PTPN13: variants seen among roughly 807,000 people sequenced by gnomAD.
The protein encoded by PTPN13 is protein tyrosine phosphatase non-receptor type 13.
In PTPN13, 191 loss-of-function variants were observed where a neutral mutation model predicts 284.0. The observed-to-expected ratio is 0.67, with a 90% CI of 0.60 to 0.76. PTPN13 has a LOEUF of 0.76. PTPN13 is among the 30% of genes least tolerant of loss of function. The pLI is 0.00. For synonymous variants in PTPN13, 986 were observed against 1,022.3 expected (o/e 0.96, Z 0.68); for missense variants, 2,797 against 2,939.9 (o/e 0.95, Z 1.12).
intron 3 of PTPN13, among the ~76,000 whole-genome samples, chr4:86,686,279 CG>C (rs1554309069): frequency 1.3e-5 from 2 of 151,666 alleles, no homozygotes; most frequent in Non-Finnish European, 2.9e-5. Flanking sequence ...GGAGAATTGC[CG>C]GGGGATGGAG....
At chr4:86,695,881 A>G (rs1730542120) in intron 6 of PTPN13, among the ~76,000 whole-genome samples, 1 of 152,048 alleles carries the variant, frequency 6.6e-6, no homozygotes, top group Non-Finnish European at 1.5e-5. Context: ...TTTTTCTAAG[A>G]ATAAAAAATA....
chr4:86,665,244 G>A (rs536477667), intron 2 of PTPN13, among the ~76,000 whole-genome samples: 1 of 152,188 alleles, frequency 6.6e-6, no homozygotes, highest in African/African-American at 2.4e-5. Flanking sequence ...AAATGTGTGT[G>A]TTTGTGTGGC....
At chr4:86,595,660 C>A in intron 1 of PTPN13, 1 of 679,098 alleles carries the variant, frequency 1.5e-6, no homozygotes, top group Non-Finnish European at 1.8e-6. Flanking sequence ...AAACAACAAA[C>A]GCGGTGACTT....
Position 86,803,820 on chromosome 4 carries a change from G to C in PTPN13, c.6617G>C (p.Gly2206Ala), listed in dbSNP as rs1744344868. 1.2e-6 allele frequency: 2 copies of C among 1,613,816 alleles called. No homozygotes were observed. The highest frequency in any genetic ancestry group is 1.7e-6 in the Non-Finnish European group (2 of 1,179,794). The change falls in exon 43 of 48, where the codon GGT becomes GCT. Residue 2206 changes from glycine to alanine, a missense_variant. Transcript: ENST00000411767. ...AAATCAGTCATTCGAGTCCTGCGGG[G>C]TTTGCTAGATCAAGGAATTCCTTCT... ...NLKSVIRVLRGLLDQGIPSKE... is the reference protein window; with the variant it reads ...NLKSVIRVLRALLDQGIPSKE...
At chr4:86,755,423 C>T (rs886736691) in intron 20 of PTPN13, among the ~76,000 whole-genome samples, 11 of 150,680 alleles carry the variant, frequency 7.3e-5, no homozygotes, top group Non-Finnish European at 1.3e-4. Flanking sequence ...AAAAACTTTT[C>T]CAAGAATTAT....
At chr4:86,699,381 A>G (rs1267614900) in intron 6 of PTPN13, among the ~76,000 whole-genome samples, 6 of 151,714 alleles carry the variant, frequency 4.0e-5, no homozygotes, top group Non-Finnish European at 1.5e-5. Flanking sequence ...GCGAGACTCT[A>G]TCCCCCCTCC....
At chr4:86,764,520 G>A in intron 24 of PTPN13, 73 bp from the exon 25 acceptor site, 4 of 1,176,860 alleles carry the variant, frequency 3.4e-6, no homozygotes, top group Non-Finnish European at 4.5e-6. Context: ...TAAAAAAAAA[G>A]AAATTAAAAA....
intron 1 of PTPN13, among the ~76,000 whole-genome samples, chr4:86,603,998 G>A (rs1275955335): frequency 6.6e-6 from 1 of 151,934 alleles, no homozygotes; most frequent in Non-Finnish European, 1.5e-5. Flanking sequence ...ACTAAATTGA[G>A]TTATTGTTAA....
chr4:86,633,291 A>T (rs1330549197), intron 1 of PTPN13, among the ~76,000 whole-genome samples: 2 of 151,940 alleles, frequency 1.3e-5, no homozygotes, highest in East Asian at 3.9e-4. Context: ...CTGGCTTCTG[A>T]TACAGTATGT....
rs925975263 is a variant in PTPN13 at position 86,728,320 on chromosome 4, G to A, written c.1609-4080G>A. On this transcript the variant is annotated intron_variant, in intron 10 of 47. Coordinates refer to ENST00000411767, the MANE Select transcript of PTPN13 (RefSeq NM_080683.3). ...ATTTGGGGTGGTGAGTTCTGGATAT[G>A]TCTATTAGGTCCACTTGTTGCAGAG... 5.4e-5 allele frequency among the ~76,000 whole-genome samples: 8 copies of A among 149,410 alleles called. 1 individual carries two copies. Among genetic ancestry groups the A allele is most frequent in the Admixed American group, 2.0e-4 (3 of 14,868 alleles).
Position 86,717,088 on chromosome 4 carries a change from C to A in PTPN13, c.1356C>A (p.Thr452=). Reference sequence around the variant, plus strand: ...GTGGTCTCCCAGGGGTAGATGAAACCTTAAGTCAAGGCCAGTCACAGAGAC... The same window carrying A: ...GTGGTCTCCCAGGGGTAGATGAAACATTAAGTCAAGGCCAGTCACAGAGAC... ...SSSGLPGVDE[T]LSQGQSQRPS... is the part of the protein sequence containing the mutation. The change falls in exon 9 of 48, where the codon ACC becomes ACA. Residue 452 remains threonine (T), a synonymous_variant. Transcript: ENST00000411767. 6.2e-7 allele frequency: 1 copy of A among 1,612,600 alleles called. No homozygotes were observed. Among genetic ancestry groups the A allele is most frequent in the Non-Finnish European group, 8.5e-7 (1 of 1,179,324 alleles).
In PTPN13 at chr4:86,642,480, TCTCA is replaced by T. The variant is rs368330912; in HGVS notation, c.115+7113_115+7116del. On this transcript the variant is annotated intron_variant, in intron 2 of 47. Transcript: ENST00000411767. ...TTTTTTTTTTTTTTTTGAGATGGAG[TCTCA>T]CTCTGTCACTCAGGCTGGAGTGCAG... 1.2e-3 allele frequency among the ~76,000 whole-genome samples: 144 copies of T among 121,854 alleles called. 1 individual carries two copies. Among genetic ancestry groups the T allele is most frequent in the African/African-American group, 4.2e-3 (134 of 31,828 alleles). The allele number at this position is 121,854 out of a possible 152,430, so 79.9% of individuals were successfully genotyped here. A position where few individuals can be genotyped will look rare whatever the true frequency, so the allele number is the denominator to read the frequency against.
chr4:86,690,587 T>G (rs564017079), intron 5 of PTPN13, among the ~76,000 whole-genome samples: 1 of 152,250 alleles, frequency 6.6e-6, no homozygotes, highest in African/African-American at 2.4e-5. Flanking sequence ...ATAAGGAAAC[T>G]GATACCCAAA....
chr4:86,769,990 C>A lies in PTPN13; in HGVS notation c.4704+7C>A, dbSNP rs749769749. The A allele has an allele frequency of 1.3e-5, 21 of 1,613,508 alleles. No homozygotes were observed. The highest frequency in any genetic ancestry group is 1.7e-5 in the Non-Finnish European group (20 of 1,179,648). On this transcript the variant is annotated splice_region_variant and intron_variant, in intron 29 of 47. Transcript: ENST00000411767. ...GAAAGGACTATCTCAGCAGGTGAGC[C>A]CCTAGCATGTGGAGTATAGCATTTT... is the stretch of plus-strand genomic sequence containing the variant.
At chr4:86,652,912 G>T (rs1055554568) in intron 2 of PTPN13, among the ~76,000 whole-genome samples, 5 of 151,576 alleles carry the variant, frequency 3.3e-5, no homozygotes, top group African/African-American at 9.7e-5. Context: ...TCCAGATCTC[G>T]TAGCCATGCT....
At chr4:86,688,947 C>A in intron 4 of PTPN13, 58 bp from the exon 5 acceptor site, 1 of 1,365,298 alleles carries the variant, frequency 7.3e-7, no homozygotes, top group Non-Finnish European at 1.0e-6. Flanking sequence ...TGATTTGTCT[C>A]ATTAGAAAAA....
chr4:86,644,085 A>G (rs1724127702), intron 2 of PTPN13, among the ~76,000 whole-genome samples: 1 of 152,112 alleles, frequency 6.6e-6, no homozygotes, highest in Non-Finnish European at 1.5e-5. Flanking sequence ...CTCACTCAAG[A>G]AAAAAATAGA....
At chr4:86,713,597 T>C (rs910688671) in intron 7 of PTPN13, among the ~76,000 whole-genome samples, 2 of 152,136 alleles carry the variant, frequency 1.3e-5, no homozygotes, top group Non-Finnish European at 2.9e-5. Context: ...GGTAGTATTA[T>C]TGATATTTCT....
chr4:86,797,528 T>C (rs1387528027), intron 41 of PTPN13, among the ~76,000 whole-genome samples: 1 of 152,056 alleles, frequency 6.6e-6, no homozygotes, highest in African/African-American at 2.4e-5. Flanking sequence ...TTAAATTTTT[T>C]GTTACAAGGA....
Sources: allele counts gnomAD v4.1 joint callset (sites outside exome capture counted in the v4.1 genomes callset), GRCh38; gene constraint gnomAD v4.1.1; transcripts MANE v1.5; gene names NCBI Gene and HGNC (gene_info 2026-07-23, HGNC 2026-07-21).